SHQ1: variants seen among roughly 807,000 people sequenced by gnomAD.
SHQ1 encodes SHQ1, H/ACA ribonucleoprotein assembly factor.
In SHQ1, 49 loss-of-function variants were observed where a neutral mutation model predicts 53.8. The ratio of observed to expected loss-of-function variants is 0.91; its 90% CI spans 0.72 to 1.16. The LOEUF (loss-of-function observed/expected upper bound fraction) is 1.16, where lower values mean the gene tolerates loss of function less well. SHQ1 is among the 50% of genes most tolerant of loss of function. The pLI, the probability that SHQ1 is intolerant of heterozygous loss-of-function variation, is 0.00. For synonymous variants in SHQ1, 243 were observed against 251.0 expected, an observed-to-expected ratio of 0.97 and a Z score of 0.30; for missense variants, 738 against 683.1, an observed-to-expected ratio of 1.08 and a Z score of -0.90.
intron 4 of SHQ1, among the ~76,000 whole-genome samples, chr3:72,839,461 G>C (rs1346399219): frequency 6.6e-6 from 1 of 152,182 alleles, no homozygotes; most frequent in South Asian, 2.1e-4. Flanking sequence ...TCCCTTTAAG[G>C]AATTTTGAGA....
intron 9 of SHQ1, among the ~76,000 whole-genome samples, chr3:72,811,524 A>C (rs1351811889): frequency 1.3e-5 from 2 of 152,242 alleles, no homozygotes; most frequent in African/African-American, 4.8e-5. Context: ...TAGCTCTTTC[A>C]TCCTATAATC....
intron 10 of SHQ1, among the ~76,000 whole-genome samples, chr3:72,775,012 A>G (rs9859108): frequency 0.36 from 55,050 of 151,928 alleles, 12,773 homozygotes; most frequent in African/African-American, 0.66. Context: ...CTACTCGGGA[A>G]GCTGAGACAG....
rs779590242 is a variant in SHQ1, at chr3:72,750,648, G to A, written c.1370C>T (p.Ser457Leu). The change falls in exon 11 of 11, where the codon TCG becomes TTG. Residue 457 changes from serine to leucine, a missense_variant. Ser to Leu is a moderately radical substitution (Grantham distance 145). Transcript: ENST00000325599. ...TGACACGCTGCTGTCTGAGTCCTCC[G>A]AATCACTTGCCTCAGAGCTGGAGCA... is the stretch of plus-strand genomic sequence containing the variant. ...TLCSSSEASD[S>L]EDSDSSVSSG... 6.2e-6 allele frequency: 10 copies of A among 1,613,698 alleles called. No individual in the cohort carries two copies. The South Asian group carries it at 6.6e-5, about 11-fold the overall frequency.
intron 9 of SHQ1, among the ~76,000 whole-genome samples, chr3:72,802,904 T>TA (rs1177782832): frequency 6.6e-6 from 1 of 152,078 alleles, no homozygotes; most frequent in African/African-American, 2.4e-5. Context: ...TCCACTTTTT[T>TA]AAAAAAGCTT....
At chr3:72,739,203 G>A in the SHQ1 span, among the ~76,000 whole-genome samples, 2 of 152,216 alleles carry the variant, frequency 1.3e-5, no homozygotes, top group Non-Finnish European at 2.9e-5. Context: ...AGGATGGTTT[G>A]TGTACAAACG....
intron 9 of SHQ1, 72 bp downstream of exon 9, chr3:72,812,599 T>C (rs1575713781): frequency 6.4e-7 from 1 of 1,559,068 alleles, no homozygotes; most frequent in East Asian, 2.3e-5. Flanking sequence ...GCAAAAATCA[T>C]TATTATATCT....
At chr3:72,798,065 C>T (rs769290892) in intron 9 of SHQ1, among the ~76,000 whole-genome samples, 6 of 152,146 alleles carry the variant, frequency 3.9e-5, no homozygotes, top group Non-Finnish European at 8.8e-5. Flanking sequence ...TCTATCCAGT[C>T]GTGGGCTCAT....
At chr3:72,753,423 A>G in intron 10 of SHQ1, 1 of 985,360 alleles carries the variant, frequency 1.0e-6, no homozygotes, top group Non-Finnish European at 1.2e-6. Context: ...CTGAAATGCT[A>G]TTTCTCAAAG....
intron 10 of SHQ1, among the ~76,000 whole-genome samples, chr3:72,783,288 T>A (rs1386248544): frequency 6.6e-6 from 1 of 152,132 alleles, no homozygotes; most frequent in Non-Finnish European, 1.5e-5. Flanking sequence ...TCTCCACATC[T>A]TCTCCTCTAA....
chr3:72,813,243 G>A (rs906654478), intron 8 of SHQ1, among the ~76,000 whole-genome samples: 42 of 152,064 alleles, frequency 2.8e-4, no homozygotes, highest in African/African-American at 1.0e-3. Flanking sequence ...CAGGCGGGTG[G>A]ATCACCTGAG....
intron 9 of SHQ1, among the ~76,000 whole-genome samples, chr3:72,803,818 T>C (rs1214739074): frequency 6.6e-6 from 1 of 152,196 alleles, no homozygotes; most frequent in Non-Finnish European, 1.5e-5. Flanking sequence ...AGTAACAAAA[T>C]ATTATTTTTT....
At chr3:72,741,254 C>G in the SHQ1 span, among the ~76,000 whole-genome samples, 1 of 152,126 alleles carries the variant, frequency 6.6e-6, no homozygotes, top group Admixed American at 6.5e-5. Flanking sequence ...TCACTATGCC[C>G]AAAGTCCCTT....
At chr3:72,761,595 C>T (rs1006903535) in intron 10 of SHQ1, among the ~76,000 whole-genome samples, 1 of 152,150 alleles carries the variant, frequency 6.6e-6, no homozygotes, top group Admixed American at 6.5e-5. Context: ...TGACAGTATC[C>T]GTTAATACAA....
intron 10 of SHQ1, among the ~76,000 whole-genome samples, chr3:72,769,230 G>A (rs139634415): frequency 2.0e-5 from 3 of 152,306 alleles, no homozygotes; most frequent in African/African-American, 7.2e-5. Flanking sequence ...ATGTGGGGAT[G>A]TGGGCCCAGC....
At chr3:72,746,059 T>C (rs1705254176), downstream of SHQ1, among the ~76,000 whole-genome samples, 1 of 152,136 alleles carries the variant, frequency 6.6e-6, no homozygotes, top group African/African-American at 2.4e-5. Context: ...GCCAGGCTGG[T>C]CTCGAACTCC....
At chr3:72,795,996 G>A (rs1575699952) in intron 9 of SHQ1, among the ~76,000 whole-genome samples, 1 of 151,530 alleles carries the variant, frequency 6.6e-6, no homozygotes, top group South Asian at 2.1e-4. Context: ...CCAGCTACTC[G>A]GGAGGCTGAG....
At chr3:72,772,834 C>T in intron 10 of SHQ1, 2 of 769,984 alleles carry the variant, frequency 2.6e-6, no homozygotes, top group Admixed American at 3.5e-5. Context: ...GAAGAATGAG[C>T]CTATATCTAA....
At chr3:72,825,512 A>G (rs1228158770) in intron 5 of SHQ1, among the ~76,000 whole-genome samples, 1 of 152,154 alleles carries the variant, frequency 6.6e-6, no homozygotes, top group African/African-American at 2.4e-5. Flanking sequence ...ATTTGTAGAG[A>G]ACAGAAAGCT....
At chr3:72,821,261 C>G (rs966366805) in intron 6 of SHQ1, among the ~76,000 whole-genome samples, 1 of 152,194 alleles carries the variant, frequency 6.6e-6, no homozygotes, top group Non-Finnish European at 1.5e-5. Flanking sequence ...CTAGGAAGTT[C>G]ATTGACTATA....
Sources: gnomAD v4.1 joint callset for allele counts (sites outside exome capture counted in the v4.1 genomes callset) on GRCh38, gnomAD v4.1.1 for gene constraint, MANE v1.5 for transcripts, NCBI Gene and HGNC (gene_info 2026-07-23, HGNC 2026-07-21) for gene names.